Variants in CACNA2D1 observed in about 807,000 individuals in gnomAD.
CACNA2D1 encodes calcium voltage-gated channel auxiliary subunit alpha2delta 1.
CACNA2D1 carries 53 observed loss-of-function variants against 171.5 expected under a neutral mutation model. The observed-to-expected ratio is 0.31, with a 90% CI of 0.25 to 0.39. CACNA2D1 has a LOEUF of 0.39. Among genes scored for constraint, CACNA2D1 ranks in the 10% least tolerant of loss-of-function variants. CACNA2D1 has a pLI of 1.00. For synonymous variants in CACNA2D1, 442 were observed against 443.1 expected (o/e 1.00, Z 0.03); for missense variants, 903 against 1,299.8 (o/e 0.69, Z 4.69).
chr7:82,263,467 A>G (rs919984368), intron 3 of CACNA2D1, among the ~76,000 whole-genome samples: 2 of 152,134 alleles, frequency 1.3e-5, no homozygotes, highest in African/African-American at 4.8e-5. Context: ...GTCTTGTTGT[A>G]GAAGTGTGGG....
intron 24 of CACNA2D1, among the ~76,000 whole-genome samples, chr7:81,979,556 C>G (rs37086): frequency 0.63 from 96,211 of 151,998 alleles, 30,486 homozygotes; most frequent in Non-Finnish European, 0.65. Context: ...ACACAGACCT[C>G]AGATGGAGAG....
chr7:82,012,116 G>C, intron 15 of CACNA2D1, 38 bp downstream of exon 15: 1 of 1,160,498 alleles, frequency 8.6e-7, no homozygotes, highest in South Asian at 1.2e-5. Context: ...GTGTGCTTTT[G>C]TTATGACAGT....
rs1436712060 is a variant in CACNA2D1, at chr7:81,957,630, T to C, written c.3159+1645A>G. Among the ~76,000 whole-genome samples the C allele has an allele frequency of 3.3e-5, 5 of 152,102 alleles. No homozygotes were observed. In the East Asian group the frequency reaches 9.7e-4, roughly 29 times the overall value. Reference sequence around the variant, plus strand: ...ATACAAGATGAGATTTCATGCAATTTGCTGGCAGTTAACGTGAGTCTCCAT... The same window carrying C: ...ATACAAGATGAGATTTCATGCAATTCGCTGGCAGTTAACGTGAGTCTCCAT... On this transcript the variant is annotated intron_variant, in intron 38 of 38. Coordinates refer to ENST00000356860, the MANE Select transcript of CACNA2D1 (RefSeq NM_000722.4).
chr7:81,955,602 A>G (rs1793144970), intron 38 of CACNA2D1, among the ~76,000 whole-genome samples: 1 of 151,896 alleles, frequency 6.6e-6, no homozygotes, highest in African/African-American at 2.4e-5. Context: ...GGAATCTCAA[A>G]TGTTTTCTTT....
intron 3 of CACNA2D1, among the ~76,000 whole-genome samples, chr7:82,253,511 A>G (rs1036341926): frequency 6.6e-6 from 1 of 152,230 alleles, no homozygotes. Context: ...AGATGGTTTC[A>G]GGTTACAAGG....
intron 24 of CACNA2D1, among the ~76,000 whole-genome samples, chr7:81,981,973 T>C (rs1289593337): frequency 6.6e-6 from 1 of 152,190 alleles, no homozygotes; most frequent in Non-Finnish European, 1.5e-5. Context: ...TATTGGTACA[T>C]ATATGTGTAT....
chr7:82,231,963 A>G (rs931360416), intron 3 of CACNA2D1, among the ~76,000 whole-genome samples: 1 of 152,138 alleles, frequency 6.6e-6, no homozygotes. Context: ...TTTTTAAATT[A>G]TGTAATACCC....
At chr7:81,961,564 T>TACCCA (rs1204338327) in intron 36 of CACNA2D1, among the ~76,000 whole-genome samples, 23 of 151,574 alleles carry the variant, frequency 1.5e-4, no homozygotes, top group Non-Finnish European at 3.4e-4. Flanking sequence ...TTAATATGGG[T>TACCCA]TATTTTAGGA....
At chr7:82,146,983 CAAAAAAAAAAAAAAAAAAAAA>C (rs764990586) in intron 4 of CACNA2D1, among the ~76,000 whole-genome samples, 1 of 25,476 alleles carries the variant, frequency 3.9e-5, no homozygotes, top group Non-Finnish European at 6.1e-5. Flanking sequence ...ACTCCCATCT[CAAAAAAAAAAAAAAAAAAAAA>C]AAAAAAAAAA....
intron 1 of CACNA2D1, among the ~76,000 whole-genome samples, chr7:82,402,120 C>G (rs1324351019): frequency 6.6e-6 from 1 of 152,114 alleles, no homozygotes; most frequent in Non-Finnish European, 1.5e-5. Flanking sequence ...CTGGAGAAAT[C>G]ACAGAGGGAA....
intron 6 of CACNA2D1, among the ~76,000 whole-genome samples, chr7:82,116,017 A>G (rs918080918): frequency 1.3e-5 from 2 of 152,218 alleles, no homozygotes; most frequent in African/African-American, 4.8e-5. Flanking sequence ...ATTTGGACAC[A>G]GGTAGTCTGG....
At chr7:82,399,993 G>C (rs1826183346) in intron 1 of CACNA2D1, among the ~76,000 whole-genome samples, 2 of 152,074 alleles carry the variant, frequency 1.3e-5, no homozygotes, top group African/African-American at 4.8e-5. Flanking sequence ...GAAATAAAAA[G>C]ATAAGATCAG....
intron 3 of CACNA2D1, among the ~76,000 whole-genome samples, chr7:82,225,354 G>A (rs749174206): frequency 1.2e-4 from 18 of 152,232 alleles, no homozygotes; most frequent in Middle Eastern, 3.4e-3. Context: ...ATCTCACCAC[G>A]TAGATTATCC....
At chr7:81,960,364 GTGTGACT>G (rs1389626613) in intron 36 of CACNA2D1, among the ~76,000 whole-genome samples, 1 of 152,036 alleles carries the variant, frequency 6.6e-6, no homozygotes, top group Non-Finnish European at 1.5e-5. Context: ...AATGTGACAA[GTGTGACT>G]GAGGCACAAA....
intron 3 of CACNA2D1, among the ~76,000 whole-genome samples, chr7:82,326,051 C>T (rs989816371): frequency 3.3e-5 from 5 of 152,090 alleles, no homozygotes; most frequent in African/African-American, 1.2e-4. Context: ...ATGTCCTGTC[C>T]AGGGTAGGTT....
intron 1 of CACNA2D1, among the ~76,000 whole-genome samples, chr7:82,415,459 A>G (rs576404176): frequency 2.0e-5 from 3 of 152,096 alleles, no homozygotes; most frequent in Non-Finnish European, 4.4e-5. Context: ...ACTTGAACCC[A>G]GGAGGCATTG....
At chr7:82,157,912 C>T (rs900751940) in intron 4 of CACNA2D1, among the ~76,000 whole-genome samples, 3 of 151,844 alleles carry the variant, frequency 2.0e-5, no homozygotes, top group African/African-American at 7.2e-5. Flanking sequence ...CAAACTCCAA[C>T]ATTTATAGAA....
chr7:82,370,539 GTAAATGGAGGGA>G lies in CACNA2D1; in HGVS notation c.96-20902_96-20891del, dbSNP rs1160579568. On this transcript the variant is annotated intron_variant, in intron 1 of 38. Coordinates refer to ENST00000356860, the MANE Select transcript of CACNA2D1 (RefSeq NM_000722.4). ...ATATTGACAAAACTGGAAGAGATAG[GTAAATGGAGGGA>G]TGGATGGATGGATGGATGGATGGAT... Among the ~76,000 whole-genome samples, 3 of 103,842 alleles carry G rather than the reference GTAAATGGAGGGA, an allele frequency of 2.9e-5. No homozygotes were observed. The East Asian group carries it at 8.0e-4, about 28-fold the overall frequency. 68.1% of individuals were successfully genotyped at this position (103,842 alleles called of 152,430 possible).
chr7:82,118,734 A>T (rs761712551), intron 5 of CACNA2D1, among the ~76,000 whole-genome samples: 73 of 152,190 alleles, frequency 4.8e-4, no homozygotes, highest in African/African-American at 1.7e-3. Context: ...TTAAATAACC[A>T]TATAAATGGC....
Sources: allele counts gnomAD v4.1 joint callset (sites outside exome capture counted in the v4.1 genomes callset), GRCh38; gene constraint gnomAD v4.1.1; transcripts MANE v1.5; gene names NCBI Gene and HGNC (gene_info 2026-07-23, HGNC 2026-07-21).